CNTN3: variants seen among roughly 807,000 people sequenced by gnomAD.
The protein encoded by CNTN3 is contactin 3, also known as contactin-3.
A neutral mutation model predicts 119.1 loss-of-function variants in CNTN3; 60 were observed. The ratio of observed to expected loss-of-function variants is 0.50; its 90% CI spans 0.41 to 0.62. The LOEUF (loss-of-function observed/expected upper bound fraction) is 0.62, where lower values mean the gene tolerates loss of function less well. CNTN3 is among the 20% of genes least tolerant of loss of function. The probability of loss-of-function intolerance (pLI) is 0.00; values close to 1 mark genes in which losing one functional copy is unlikely to be tolerated. For synonymous variants in CNTN3, 450 were observed against 438.7 expected (o/e 1.03, Z -0.32); for missense variants, 1,101 against 1,242.4 (o/e 0.89, Z 1.71).
chr3:74,264,399 T>C lies in CNTN3; in HGVS notation c.*2A>G, dbSNP rs764388850. The C allele has an allele frequency of 6.8e-7, 1 of 1,476,774 alleles. No homozygotes were observed. 91.5% of individuals were successfully genotyped at this position (1,476,774 alleles called of 1,614,324 possible). On this transcript the variant is annotated 3_prime_UTR_variant, in exon 23 of 23. Transcript: ENST00000263665. ...CCAATAAATAATAAAAAGGAGTTAA[T>C]ATCACCACAGGACATATACAATTAA...
chr3:74,429,977 C>A (rs1248232848), intron 4 of CNTN3, among the ~76,000 whole-genome samples: 2 of 152,140 alleles, frequency 1.3e-5, no homozygotes, highest in Non-Finnish European at 2.9e-5. Context: ...AAAAACAAAA[C>A]AGTGACAGCA....
chr3:74,464,072 G>T (rs1019205493), intron 4 of CNTN3, among the ~76,000 whole-genome samples: 1 of 152,056 alleles, frequency 6.6e-6, no homozygotes, highest in East Asian at 1.9e-4. Context: ...AAAAATCTAT[G>T]CAGTAGTTAA....
chr3:74,331,186 C>G (rs1230661633), intron 13 of CNTN3, among the ~76,000 whole-genome samples: 1 of 152,194 alleles, frequency 6.6e-6, no homozygotes, highest in Non-Finnish European at 1.5e-5. Flanking sequence ...AAACTCCATT[C>G]ACAGTAAGTG....
At chr3:74,554,727 G>A (rs968826621) in intron 1 of CNTN3, among the ~76,000 whole-genome samples, 4 of 152,264 alleles carry the variant, frequency 2.6e-5, no homozygotes, top group Admixed American at 6.5e-5. Flanking sequence ...TGTTATTGGT[G>A]TATAGGAATG....
intron 5 of CNTN3, among the ~76,000 whole-genome samples, chr3:74,422,775 T>G (rs2106893406): frequency 6.6e-6 from 1 of 152,356 alleles, no homozygotes; most frequent in East Asian, 1.9e-4. Context: ...TAAATTATTT[T>G]GATACTTCCT....
chr3:74,510,039 AAG>A (rs1371900291), intron 2 of CNTN3, among the ~76,000 whole-genome samples: 48 of 72,502 alleles, frequency 6.6e-4, no homozygotes, highest in Non-Finnish European at 1.2e-3. Context: ...ACATATATAT[AAG>A]TTTTCATATA....
At chr3:74,455,485 C>T (rs182122965) in intron 4 of CNTN3, among the ~76,000 whole-genome samples, 3 of 152,168 alleles carry the variant, frequency 2.0e-5, no homozygotes, top group African/African-American at 7.2e-5. Context: ...CGTCTGAAGC[C>T]TTCTTCTCTC....
At chr3:74,275,022 C>T (rs1323521604) in intron 20 of CNTN3, among the ~76,000 whole-genome samples, 1 of 152,090 alleles carries the variant, frequency 6.6e-6, no homozygotes, top group Non-Finnish European at 1.5e-5. Context: ...TGGAAAGTCT[C>T]AGCAATAGAA....
chr3:74,398,146 T>C (rs111337847), intron 5 of CNTN3, among the ~76,000 whole-genome samples: 2,421 of 152,324 alleles, frequency 0.016, 40 homozygotes, highest in Middle Eastern at 0.058. Flanking sequence ...TTGAGAGGAC[T>C]GATTTTAGTT....
chr3:74,271,590 A>G (rs1197530297), intron 20 of CNTN3, among the ~76,000 whole-genome samples: 2 of 152,336 alleles, frequency 1.3e-5, no homozygotes, highest in Non-Finnish European at 2.9e-5. Context: ...GCTGTGATTA[A>G]TTATACAAAA....
rs1703127767 is a variant in CNTN3, at chr3:74,499,610, T to TA, written c.182+48dup. 1.9e-6 allele frequency: 3 copies of TA among 1,556,040 alleles called. No homozygotes were observed. In the African/African-American group the frequency reaches 4.2e-5, roughly 22 times the overall value. On this transcript the variant is annotated intron_variant, in intron 3 of 22. Transcript: ENST00000263665. The stretch of plus-strand genomic sequence containing the variant: ...CAAAAAAAAATTCACAATCACCACA[T>TA]AAGTGTGTTTAGTTTTTTTTATTTG...
chr3:74,422,563 C>T (rs907105372), intron 5 of CNTN3, among the ~76,000 whole-genome samples: 2 of 152,216 alleles, frequency 1.3e-5, no homozygotes, highest in African/African-American at 4.8e-5. Flanking sequence ...TTTCCTCCAA[C>T]AGCTTACTAA....
chr3:74,480,359 A>T (rs1022286012), intron 4 of CNTN3, among the ~76,000 whole-genome samples: 12 of 152,254 alleles, frequency 7.9e-5, no homozygotes, highest in Non-Finnish European at 1.8e-4. Context: ...GTATTTTGTA[A>T]GAATTATGGC....
At chr3:74,598,553 T>C (rs1027324074) in intron 1 of CNTN3, among the ~76,000 whole-genome samples, 3 of 152,084 alleles carry the variant, frequency 2.0e-5, no homozygotes, top group Non-Finnish European at 4.4e-5. Context: ...TTGACCTCCC[T>C]GGCCCAAGCC....
At chr3:74,350,024 T>C (rs953864048) in intron 11 of CNTN3, among the ~76,000 whole-genome samples, 2 of 152,194 alleles carry the variant, frequency 1.3e-5, no homozygotes, top group Middle Eastern at 3.2e-3. Flanking sequence ...TTAACTTCTA[T>C]GATCCATAAA....
chr3:74,298,771 C>G (rs577967129), intron 17 of CNTN3, among the ~76,000 whole-genome samples: 1 of 151,786 alleles, frequency 6.6e-6, no homozygotes, highest in African/African-American at 2.4e-5. Context: ...GTGGCATGCG[C>G]CTGTAGTCCC....
chr3:74,389,654 TGATGAG>T (rs1269356706), intron 5 of CNTN3, among the ~76,000 whole-genome samples: 2 of 152,134 alleles, frequency 1.3e-5, no homozygotes, highest in East Asian at 3.9e-4. Flanking sequence ...CCCATTTTAC[TGATGAG>T]AGCATTGAGG....
chr3:74,522,665 T>A (rs1703560042), intron 1 of CNTN3, among the ~76,000 whole-genome samples: 1 of 151,302 alleles, frequency 6.6e-6, no homozygotes. Flanking sequence ...CATCCAAGAG[T>A]CATCCCTGAG....
chr3:74,307,356 T>C (rs1342287383), intron 13 of CNTN3, among the ~76,000 whole-genome samples: 2 of 152,210 alleles, frequency 1.3e-5, no homozygotes, highest in Non-Finnish European at 2.9e-5. Flanking sequence ...ACTTTATTAG[T>C]CAATTATTTG....
Sources: gnomAD v4.1 joint callset for allele counts (sites outside exome capture counted in the v4.1 genomes callset) on GRCh38, gnomAD v4.1.1 for gene constraint, MANE v1.5 for transcripts, NCBI Gene and HGNC (gene_info 2026-07-23, HGNC 2026-07-21) for gene names.